The following NOP14 variants were observed in gnomAD, a reference collection of about 807,000 sequenced individuals.
The protein encoded by NOP14 is NOP14 nucleolar protein, also known as nucleolar protein 14.
A neutral mutation model predicts 101.6 loss-of-function variants in NOP14; 57 were observed. The observed-to-expected ratio is 0.56, with a 90% confidence interval of 0.45 to 0.70. The LOEUF (loss-of-function observed/expected upper bound fraction) is 0.70. Ranked by LOEUF, NOP14 falls within the 30% of genes least tolerant of loss-of-function variation. The pLI, the probability that NOP14 is intolerant of heterozygous loss-of-function variation, is 0.00. For missense variants in NOP14, 1,134 were observed against 1,075.5 expected, an observed-to-expected ratio of 1.05 and a Z score of -0.76; for synonymous variants, 428 against 424.0, an observed-to-expected ratio of 1.01 and a Z score of -0.12.
At chr4:2,953,361 A>G (rs1715149988) in intron 5 of NOP14, 150 bp downstream of exon 5, 2 of 780,060 alleles carry the variant, frequency 2.6e-6, no homozygotes, top group Admixed American at 2.5e-5. Flanking sequence ...CCAAGATTAC[A>G]CACAGCAGGT....
Position 2,946,433 on chromosome 4 carries a change from C to A in NOP14, c.1614G>T (p.Ala538=). ...TTACCACATCCAACCCTGGCAATGC[C>A]GCCCGGCCTTTGGTCTCAATCATTT... is the stretch of plus-strand genomic sequence containing the variant. ...MEEMIETKGR[A]ALPGLDVLIY... Residue 538 remains alanine, a synonymous_variant, in exon 11 of 18, where the codon GCG becomes GCT. Transcript: ENST00000416614. 1 of 1,614,256 alleles carries A rather than the reference C, an allele frequency of 6.2e-7. No individual in the cohort carries two copies. The highest frequency in any genetic ancestry group is 8.5e-7 in the Non-Finnish European group (1 of 1,180,046).
In NOP14 at chr4:2,954,526, C is replaced by A; in HGVS notation, c.510G>T (p.Gly170=). The stretch of plus-strand genomic sequence containing the variant: ...CCTGTTGAGTCTTCTTGTGAAGGAG[C>A]CCACCGCCTCCTCCAAAGTGGGCAG... ...LTAAHFGGGG[G]LLHKKTQQEG... Residue 170 remains glycine (G), a synonymous_variant, in exon 4 of 18, where the codon GGG becomes GGT. Transcript: ENST00000416614. The A allele has an allele frequency of 6.2e-7, 1 of 1,614,126 alleles. No homozygotes were observed. The highest frequency in any genetic ancestry group is 8.5e-7 in the Non-Finnish European group (1 of 1,180,010).
Position 2,948,373 on chromosome 4 carries a change from A to G in NOP14, c.1318T>C (p.Leu440=), listed in dbSNP as rs764017567. 1 of 1,612,860 alleles carries G rather than the reference A, an allele frequency of 6.2e-7. No homozygotes were observed. Among genetic ancestry groups the G allele is most frequent in the Non-Finnish European group, 8.5e-7 (1 of 1,179,694 alleles). ...AGCTGCTCTTCCATCGATCTTCCTA[A>G]CAACAGAGATCTCAGTTCCTCATAG... is the stretch of plus-strand genomic sequence containing the variant. ...ESYEELRSLL[L]GRSMEEQLLV... is the part of the protein sequence containing the mutation. Residue 440 remains leucine, a synonymous_variant, in exon 9 of 18, where the codon TTA becomes CTA. Transcript: ENST00000416614.
intron 13 of NOP14, 87 bp from the exon 14 acceptor site, chr4:2,942,438 A>G: frequency 7.4e-7 from 1 of 1,342,942 alleles, no homozygotes; most frequent in Non-Finnish European, 1.0e-6. Flanking sequence ...GTGGAAGTTC[A>G]CCCTCTAACA....
At chr4:2,951,400 A>C (rs1715022195) in intron 6 of NOP14, among the ~76,000 whole-genome samples, 155 bp from the exon 7 acceptor site, 1 of 152,234 alleles carries the variant, frequency 6.6e-6, no homozygotes, top group Non-Finnish European at 1.5e-5. Context: ...GTTTTCAATC[A>C]GGCATGCAAA....
Position 2,944,215 on chromosome 4 carries a change from C to T in NOP14, c.1749G>A (p.Leu583=). The T allele has an allele frequency of 6.2e-7, 1 of 1,612,084 alleles. No homozygotes were observed. Among genetic ancestry groups the T allele is most frequent in the Non-Finnish European group, 8.5e-7 (1 of 1,179,440 alleles). ...LSQLLTKCPI[L]SLQDVVKGLF... The stretch of plus-strand genomic sequence containing the variant: ...GGCCCTTCACCACGTCCTGGAGGGA[C>T]AGGATGGGGCACTGGAAAGGAACAT... Residue 583 remains leucine, a synonymous_variant, in exon 13 of 18, where the codon CTG becomes CTA. Coordinates refer to ENST00000416614, the MANE Select transcript of NOP14 (RefSeq NM_001291978.2).
rs547511630 is a variant in NOP14, at chr4:2,939,925, T to C, written c.2200-280A>G. Among the ~76,000 whole-genome samples, 27 of 152,312 alleles carry C rather than the reference T, an allele frequency of 1.8e-4. No homozygotes were observed. The South Asian group carries it at 5.6e-3, about 32-fold the overall frequency. ...AGAGCACTCTCTGAAAGGAGGGGAC[T>C]TGGGGAGTTGGAGGTCACCATAGCC... On this transcript the variant is annotated intron_variant, in intron 15 of 17. Transcript: ENST00000416614.
Position 2,938,277 on chromosome 4 carries a change from T to A in NOP14, c.*554A>T. On this transcript the variant is annotated 3_prime_UTR_variant, in exon 18 of 18. Coordinates refer to ENST00000416614, the MANE Select transcript of NOP14 (RefSeq NM_001291978.2). ...TGGGTGCTGTGGCTCACACCTATAATTGGGGGGCCAAGGCAGGTGGATTAC... is the reference window on the plus strand; with the variant it reads ...TGGGTGCTGTGGCTCACACCTATAAATGGGGGGCCAAGGCAGGTGGATTAC... 1 of 1,244,898 alleles carries A rather than the reference T, an allele frequency of 8.0e-7. No homozygotes were observed. The highest frequency in any genetic ancestry group is 1.5e-5 in the African/African-American group (1 of 65,044). 77.1% of individuals were successfully genotyped at this position (1,244,898 alleles called of 1,614,324 possible).
intron 12 of NOP14, 137 bp from the exon 13 acceptor site, chr4:2,944,363 G>A: frequency 1.7e-6 from 1 of 582,206 alleles, no homozygotes; most frequent in Non-Finnish European, 2.9e-6. Flanking sequence ...CCTTATAGCA[G>A]TGTCGAGAGC....
At chr4:2,951,314 C>T (rs2109306358) in intron 6 of NOP14, 69 bp from the exon 7 acceptor site, 1 of 1,472,424 alleles carries the variant, frequency 6.8e-7, no homozygotes, top group East Asian at 2.3e-5. Context: ...CCGTGCAGTC[C>T]TGCCCTGGGC....
intron 4 of NOP14, 82 bp downstream of exon 4, chr4:2,954,342 G>A: frequency 2.7e-6 from 4 of 1,487,602 alleles, no homozygotes; most frequent in Non-Finnish European, 3.7e-6. Context: ...GCCTAAAAAG[G>A]TACAGGAAAA....
intron 11 of NOP14, 61 bp from the exon 12 acceptor site, chr4:2,945,290 C>A (rs941902011): frequency 4.1e-6 from 5 of 1,216,678 alleles, no homozygotes; most frequent in Non-Finnish European, 4.7e-6. Context: ...ATATGCCCTC[C>A]CCGCAAACAC....
In NOP14 at chr4:2,945,984, CTCCA is replaced by C. The variant is rs1396729846; in HGVS notation, c.1635+424_1635+427del. On this transcript the variant is annotated intron_variant, in intron 11 of 17. Coordinates refer to ENST00000416614, the MANE Select transcript of NOP14 (RefSeq NM_001291978.2). The stretch of plus-strand genomic sequence containing the variant: ...TCACCCTCACTGCCGTGCACTCTCA[CTCCA>C]GATCACCCTCACTGCCGTGCACTCT... 5.3e-4 allele frequency among the ~76,000 whole-genome samples: 43 copies of C among 81,598 alleles called. 8 individuals carry two copies. The highest frequency in any genetic ancestry group is 7.7e-3 in the Middle Eastern group (1 of 130). The allele number at this position is 81,598 out of a possible 152,430, so 53.5% of individuals were successfully genotyped here.
Position 2,938,531 on chromosome 4 carries a change from C to G in NOP14, c.*300G>C, listed in dbSNP as rs1713852446. The G allele has an allele frequency of 2.5e-6, 1 of 393,796 alleles. No individual in the cohort carries two copies. The allele number at this position is 393,796 out of a possible 1,614,324, so 24.4% of individuals were successfully genotyped here. A position where few individuals can be genotyped will look rare whatever the true frequency, so the allele number is the denominator to read the frequency against. ...AAAAAAAAAATTTTTTTTTAAGCGA[C>G]ACAGTCTTGCACTGTGGCCGAGGCT... On this transcript the variant is annotated 3_prime_UTR_variant, in exon 18 of 18. Transcript: ENST00000416614.
At chr4:2,961,202 A>AATAATATC (rs1491386687) in intron 1 of NOP14, among the ~76,000 whole-genome samples, 1 of 102,116 alleles carries the variant, frequency 9.8e-6, no homozygotes, top group Non-Finnish European at 1.8e-5. Flanking sequence ...CTAATATTAT[A>AATAATATC]ATAATATATT....
chr4:2,946,257 T>G (rs1157935778), intron 11 of NOP14, among the ~76,000 whole-genome samples, 155 bp downstream of exon 11: 1 of 150,032 alleles, frequency 6.7e-6, no homozygotes, highest in Non-Finnish European at 1.5e-5. Flanking sequence ...TGCCGTGCAC[T>G]CTCACTCCAG....
At position 2,957,529 on chromosome 4, in the gene NOP14, C is replaced by A. The variant is rs1042751039; in HGVS notation, c.330+77G>T. 11 of 1,542,056 alleles carry A rather than the reference C, an allele frequency of 7.1e-6. No individual in the cohort carries two copies. In the African/African-American group the frequency reaches 1.5e-4, roughly 21 times the overall value. ...AGTGCCCAGGAACATGCAAAACATGCAGAGTCAGCCTTCTCCTTGGCCTTG... is the reference window on the plus strand; with the variant it reads ...AGTGCCCAGGAACATGCAAAACATGAAGAGTCAGCCTTCTCCTTGGCCTTG... On this transcript the variant is annotated intron_variant, in intron 2 of 17. Transcript: ENST00000416614.
chr4:2,939,533 A>G lies in NOP14; in HGVS notation c.2312T>C (p.Val771Ala). Residue 771 changes from valine to alanine, a missense_variant, in exon 16 of 18, where the codon GTC becomes GCC. Transcript: ENST00000416614. ...VPLKLFTPRL[V>A]KVLEFGRKQG... Reference sequence around the variant, plus strand: ...AGATGCTGCCAGCACCCACACTTTGACCAGCCGGGGTGTGAAAAGCTTCAG... The same window carrying G: ...AGATGCTGCCAGCACCCACACTTTGGCCAGCCGGGGTGTGAAAAGCTTCAG... 1 of 1,613,592 alleles carries G rather than the reference A, an allele frequency of 6.2e-7. No individual in the cohort carries two copies. The highest frequency in any genetic ancestry group is 8.5e-7 in the Non-Finnish European group (1 of 1,179,806).
chr4:2,954,385 T>A, intron 4 of NOP14, 39 bp downstream of exon 4: 1 of 1,605,806 alleles, frequency 6.2e-7, no homozygotes, highest in Non-Finnish European at 8.5e-7. Flanking sequence ...GAGCCTGTCT[T>A]ACCGTGGAGA....
Sources: gnomAD v4.1 joint callset for allele counts (sites outside exome capture counted in the v4.1 genomes callset) on GRCh38, gnomAD v4.1.1 for gene constraint, MANE v1.5 for transcripts, NCBI Gene and HGNC (gene_info 2026-07-23, HGNC 2026-07-21) for gene names.